The following CDC42BPA variants were observed in gnomAD, a reference collection of about 807,000 sequenced individuals.
The protein encoded by CDC42BPA is CDC42 binding protein kinase alpha.
In CDC42BPA, 80 loss-of-function variants were observed where a neutral mutation model predicts 223.5. The observed-to-expected ratio is 0.36, with a 90% CI of 0.30 to 0.43. The LOEUF (loss-of-function observed/expected upper bound fraction) is 0.43, where lower values mean the gene tolerates loss of function less well. CDC42BPA is among the 20% of genes least tolerant of loss of function. CDC42BPA has a pLI of 1.00. For synonymous variants in CDC42BPA, 694 were observed against 718.6 expected (o/e 0.97, Z 0.55); for missense variants, 1,743 against 2,099.9 (o/e 0.83, Z 3.32).
intron 12 of CDC42BPA, among the ~76,000 whole-genome samples, chr1:227,117,893 T>G (rs1057116704): frequency 2.0e-5 from 3 of 151,662 alleles, no homozygotes; most frequent in Admixed American, 6.6e-5. Flanking sequence ...AAGATTAGAA[T>G]GCCCAAATAT....
At chr1:227,180,308 T>G (rs1667727034) in intron 5 of CDC42BPA, 1 of 152,114 alleles carries the variant, frequency 6.6e-6, no homozygotes, top group Admixed American at 6.5e-5. Flanking sequence ...CTATTTCCAC[T>G]AAGAACTTTT....
At chr1:227,201,581 C>T (rs1671763813) in intron 3 of CDC42BPA, among the ~76,000 whole-genome samples, 1 of 152,068 alleles carries the variant, frequency 6.6e-6, no homozygotes, top group African/African-American at 2.4e-5. Flanking sequence ...TTTCATTGCC[C>T]AATTGTTGTG....
intron 5 of CDC42BPA, among the ~76,000 whole-genome samples, chr1:227,174,639 T>C (rs1330951560): frequency 6.6e-6 from 1 of 152,172 alleles, no homozygotes; most frequent in Non-Finnish European, 1.5e-5. Flanking sequence ...GAGATGAGGT[T>C]AATAAAAGCT....
chr1:227,196,703 C>G (rs1670817648), intron 4 of CDC42BPA, among the ~76,000 whole-genome samples: 1 of 152,074 alleles, frequency 6.6e-6, no homozygotes, highest in Non-Finnish European at 1.5e-5. Context: ...AATTGGATTC[C>G]TATAAAGAAT....
chr1:227,003,772 C>A (rs1663402871), intron 35 of CDC42BPA, among the ~76,000 whole-genome samples: 1 of 151,934 alleles, frequency 6.6e-6, no homozygotes, highest in African/African-American at 2.4e-5. Context: ...GCTCAAGGTT[C>A]TAGTTTTAAA....
intron 34 of CDC42BPA, chr1:227,010,932 T>G (rs1222572082): frequency 7.3e-7 from 1 of 1,365,314 alleles, no homozygotes; most frequent in Admixed American, 1.9e-5. Context: ...ACGGGGAATA[T>G]TCAGGGTTTA....
At chr1:227,041,266 A>C (rs1671316745) in intron 23 of CDC42BPA, among the ~76,000 whole-genome samples, 1 of 152,170 alleles carries the variant, frequency 6.6e-6, no homozygotes, top group Non-Finnish European at 1.5e-5. Flanking sequence ...TACTGAGCAC[A>C]GTACCCAATT....
chr1:227,073,926 T>G lies in CDC42BPA; in HGVS notation c.2673A>C (p.Arg891Ser). The G allele has an allele frequency of 6.2e-7, 1 of 1,611,502 alleles. No individual in the cohort carries two copies. Among genetic ancestry groups the G allele is most frequent in the Non-Finnish European group, 8.5e-7 (1 of 1,179,374 alleles). Residue 891 changes from arginine (R) to serine (S), a missense_variant, in exon 19 of 37, where the codon AGA becomes AGC. This residue lies in a region of CDC42BPA where 36 missense variants were observed against 71.9 expected (regional missense o/e 0.50). Coordinates refer to ENST00000366766, the MANE Select transcript of CDC42BPA (RefSeq NM_001394014.1). ...ACTCTTCTTGGATGGCCTGTTTGGC[T>G]CTTATTTCTGCATCCAGAGCCGACT... is the stretch of plus-strand genomic sequence containing the variant. ...ELQSALDAEI[R>S]AKQAIQEELN...
intron 15 of CDC42BPA, among the ~76,000 whole-genome samples, chr1:227,098,187 GC>G (rs1199361950): frequency 6.6e-6 from 1 of 152,002 alleles, no homozygotes; most frequent in Non-Finnish European, 1.5e-5. Flanking sequence ...CATTCTCACT[GC>G]CCTTTCTCTA....
intron 3 of CDC42BPA, among the ~76,000 whole-genome samples, chr1:227,211,913 A>G (rs1673983186): frequency 6.6e-6 from 1 of 152,134 alleles, no homozygotes; most frequent in Non-Finnish European, 1.5e-5. Flanking sequence ...CTAAATATAT[A>G]AAAACAAAAA....
At chr1:227,255,116 T>C (rs991133711) in intron 1 of CDC42BPA, among the ~76,000 whole-genome samples, 1 of 152,176 alleles carries the variant, frequency 6.6e-6, no homozygotes, top group Non-Finnish European at 1.5e-5. Context: ...ATTAGAGCAA[T>C]TACATATTCT....
intron 2 of CDC42BPA, among the ~76,000 whole-genome samples, chr1:227,227,843 A>AG (rs1677109848): frequency 6.6e-6 from 1 of 152,066 alleles, no homozygotes; most frequent in Non-Finnish European, 1.5e-5. Flanking sequence ...TTAAAAAAAA[A>AG]TCAACTGCAT....
intron 16 of CDC42BPA, among the ~76,000 whole-genome samples, chr1:227,084,203 G>A (rs1238955617): frequency 6.6e-6 from 1 of 152,118 alleles, no homozygotes; most frequent in East Asian, 1.9e-4. Context: ...TGTCACAGAA[G>A]CAAAAAGTTC....
rs372665560 is a variant in CDC42BPA at position 227,207,351 on chromosome 1, CT to C, written c.354+5784del. ...TTTTACTGGCATATCTTTTTTTCAT[CT>C]TTTTTTTTCTTTTTCTTTTTTTTTT... is the stretch of plus-strand genomic sequence containing the variant. On this transcript the variant is annotated intron_variant, in intron 3 of 36. Coordinates refer to ENST00000366766, the MANE Select transcript of CDC42BPA (RefSeq NM_001394014.1). Among the ~76,000 whole-genome samples, 631 of 136,300 alleles carry C rather than the reference CT, an allele frequency of 4.6e-3. 17 individuals are homozygous for C. The highest frequency in any genetic ancestry group is 0.04 in the East Asian group (171 of 4,326). The allele number at this position is 136,300 out of a possible 152,430, so 89.4% of individuals were successfully genotyped here.
intron 2 of CDC42BPA, 139 bp from the exon 3 acceptor site, chr1:227,213,358 A>T (rs564242190): frequency 1.9e-6 from 1 of 525,306 alleles, no homozygotes; most frequent in East Asian, 3.2e-5. Flanking sequence ...AAGATCCTAA[A>T]TTAAATAATG....
intron 2 of CDC42BPA, among the ~76,000 whole-genome samples, chr1:227,215,534 T>C (rs1216206152): frequency 6.6e-6 from 1 of 152,190 alleles, no homozygotes; most frequent in African/African-American, 2.4e-5. Flanking sequence ...AGGGACAAAA[T>C]GAGACCCATT....
chr1:227,040,662 A>T lies in CDC42BPA; in HGVS notation c.3094-426T>A, dbSNP rs16846867. ...TTAGGAAAAAGAGTTATTTAAAATT[A>T]TTGTTTCTACTGTAAATCATGCATT... is the stretch of plus-strand genomic sequence containing the variant. On this transcript the variant is annotated intron_variant, in intron 23 of 36. Transcript: ENST00000366766. Among the ~76,000 whole-genome samples the T allele has an allele frequency of 2.2e-3, 335 of 152,286 alleles. 8 individuals are homozygous for T. The East Asian group carries it at 0.045, about 21-fold the overall frequency.
chr1:227,033,311 C>A, intron 27 of CDC42BPA, 23 bp downstream of exon 27: 1 of 1,494,872 alleles, frequency 6.7e-7, no homozygotes, highest in South Asian at 1.1e-5. Context: ...ATTCAGTGAT[C>A]AAATTACAGC....
chr1:227,119,192 T>G (rs887432893), intron 12 of CDC42BPA, among the ~76,000 whole-genome samples: 5 of 152,128 alleles, frequency 3.3e-5, no homozygotes, highest in Non-Finnish European at 5.9e-5. Flanking sequence ...TCACGGTGCT[T>G]AGCAGCATGT....
Sources: allele counts gnomAD v4.1 joint callset (sites outside exome capture counted in the v4.1 genomes callset), GRCh38; gene constraint gnomAD v4.1.1; regional missense constraint gnomAD v4.1.1; transcripts MANE v1.5; gene names NCBI Gene and HGNC (gene_info 2026-07-23, HGNC 2026-07-21).